ABCA8: variants seen among roughly 807,000 people sequenced by gnomAD.
ABCA8 encodes ABC-type organic anion transporter ABCA8.
ABCA8 carries 177 observed loss-of-function variants against 192.3 expected under a neutral mutation model. That is an observed-to-expected ratio of 0.92 (90% CI 0.81 to 1.04). The LOEUF (loss-of-function observed/expected upper bound fraction) is 1.04, where lower values mean the gene tolerates loss of function less well. Among genes scored for constraint, ABCA8 ranks in the 50% least tolerant of loss-of-function variants. ABCA8 has a pLI of 0.00. For synonymous variants in ABCA8, 642 were observed against 690.2 expected, an observed-to-expected ratio of 0.93 and a Z score of 1.09; for missense variants, 1,915 against 1,904.8, an observed-to-expected ratio of 1.01 and a Z score of -0.10.
chr17:68,918,580 A>C, intron 14 of ABCA8, 34 bp from the exon 15 acceptor site: 1 of 1,447,694 alleles, frequency 6.9e-7, no homozygotes, highest in Non-Finnish European at 9.0e-7. Context: ...TCATACACCA[A>C]AATTTATTCC....
chr17:68,889,924 A>G (rs2066584912), intron 24 of ABCA8, among the ~76,000 whole-genome samples: 1 of 152,076 alleles, frequency 6.6e-6, no homozygotes, highest in South Asian at 2.1e-4. Flanking sequence ...TTGTATGGCT[A>G]TATCAGAATT....
rs1180608246 is a variant in ABCA8, at chr17:68,917,405, A to G, written c.2094T>C (p.Ser698=). The G allele has an allele frequency of 5.6e-6, 9 of 1,612,746 alleles. No individual in the cohort carries two copies. The highest frequency in any genetic ancestry group is 7.6e-6 in the Non-Finnish European group (9 of 1,179,236). Residue 698 remains serine (S), a synonymous_variant, in exon 17 of 40, where the codon TCT becomes TCC. Transcript: ENST00000586539. ...CCCATTTCTTCTTTAGAAACAAAGA[A>G]GAGCCCGCGCACTTTAGCTTCCCTT... ...LSQGKLKCAG[S]SLFLKKKWGI... is the part of the protein sequence containing the mutation.
At chr17:68,879,223 T>C (rs1360757310) in intron 32 of ABCA8, 1 of 152,252 alleles carries the variant, frequency 6.6e-6, no homozygotes, top group Non-Finnish European at 1.5e-5. Context: ...TGCACAAAAA[T>C]GTATGTTCCA....
rs1223282823 is a variant in ABCA8, at chr17:68,867,832, C to T, written c.*253G>A. 1.0e-5 allele frequency: 3 copies of T among 297,966 alleles called. No individual in the cohort carries two copies. The highest frequency in any genetic ancestry group is 1.8e-5 in the Non-Finnish European group (3 of 164,264). 18.5% of individuals were successfully genotyped at this position (297,966 alleles called of 1,614,324 possible). On this transcript the variant is annotated 3_prime_UTR_variant, in exon 40 of 40. Transcript: ENST00000586539. ...TCATGTAAAAGTAAATTTATTTATT[C>T]AGTATTATACAGAACAATGGAACCA... is the stretch of plus-strand genomic sequence containing the variant.
intron 2 of ABCA8, among the ~76,000 whole-genome samples, chr17:68,943,375 C>CT (rs1598293926): frequency 6.6e-6 from 1 of 152,044 alleles, no homozygotes; most frequent in Admixed American, 6.5e-5. Flanking sequence ...TATAGATATA[C>CT]TTTTTTCTAA....
intron 17 of ABCA8, among the ~76,000 whole-genome samples, chr17:68,914,068 C>A (rs1025206150): frequency 1.3e-5 from 2 of 152,076 alleles, no homozygotes; most frequent in Non-Finnish European, 2.9e-5. Flanking sequence ...ATCACTTCAA[C>A]TGATGCTGAA....
intron 27 of ABCA8, chr17:68,884,603 A>G (rs752639365): frequency 2.4e-6 from 3 of 1,255,578 alleles, no homozygotes; most frequent in Non-Finnish European, 3.0e-6. Flanking sequence ...TTTATCAATT[A>G]CTAATCACCT....
rs183212010 is a variant in ABCA8 at position 68,867,887 on chromosome 17, A to G, written c.*198T>C. On this transcript the variant is annotated 3_prime_UTR_variant, in exon 40 of 40. Coordinates refer to ENST00000586539, the MANE Select transcript of ABCA8 (RefSeq NM_001288985.2). ...GGCCTGCAGAGATACAGAGGCTGTG[A>G]GAGGAGGTTGGCTTAGTCAAATGCC... 3.8e-6 allele frequency: 2 copies of G among 530,464 alleles called. No individual in the cohort carries two copies. Among genetic ancestry groups the G allele is most frequent in the South Asian group, 3.0e-5 (1 of 33,852 alleles). 32.9% of individuals were successfully genotyped at this position (530,464 alleles called of 1,614,324 possible).
chr17:68,909,126 C>T (rs1177601547), intron 17 of ABCA8, among the ~76,000 whole-genome samples: 2 of 152,102 alleles, frequency 1.3e-5, no homozygotes, highest in Non-Finnish European at 2.9e-5. Context: ...ATTCCTTGGC[C>T]ACTTGTAGGA....
intron 19 of ABCA8, among the ~76,000 whole-genome samples, chr17:68,904,281 C>CA (rs112404597): frequency 0.39 from 54,275 of 138,780 alleles, 11,955 homozygotes; most frequent in African/African-American, 0.57. Context: ...GACTCCATCT[C>CA]AAAAAAAAGA....
At position 68,922,190 on chromosome 17, in the gene ABCA8, CTCTCTTTTTTTTT is replaced by C. The variant is rs1567863681; in HGVS notation, c.1501+39_1501+51del. ...AATATAACAAATATTTTCTTTCTCTCTCTCTTTTTTTTTTTTTTTTTTTTTTTTTTTTTTTTTT... is the reference window on the plus strand; with the variant it reads ...AATATAACAAATATTTTCTTTCTCTCTTTTTTTTTTTTTTTTTTTTTTTTT... On this transcript the variant is annotated intron_variant, in intron 12 of 39. Transcript: ENST00000586539. 225 of 639,676 alleles carry C rather than the reference CTCTCTTTTTTTTT, an allele frequency of 3.5e-4. 3 individuals carry two copies. The highest frequency in any genetic ancestry group is 2.8e-3 in the East Asian group (41 of 14,590). 39.6% of individuals were successfully genotyped at this position (639,676 alleles called of 1,614,324 possible). A position where few individuals can be genotyped will look rare whatever the true frequency, so the allele number is the denominator to read the frequency against.
At chr17:68,941,137 T>C (rs1289779328) in intron 3 of ABCA8, among the ~76,000 whole-genome samples, 175 bp from the exon 4 acceptor site, 1 of 152,150 alleles carries the variant, frequency 6.6e-6, no homozygotes, top group Admixed American at 6.6e-5. Context: ...TTCCAAGGCA[T>C]TGCTAGCTTA....
intron 12 of ABCA8, 130 bp downstream of exon 12, chr17:68,922,112 C>T (rs2067547785): frequency 5.1e-6 from 3 of 590,518 alleles, no homozygotes; most frequent in African/African-American, 1.9e-5. Context: ...TAAAATACCA[C>T]CACTAATTAA....
At chr17:68,949,068 T>C (rs965199059) in intron 2 of ABCA8, among the ~76,000 whole-genome samples, 21 of 152,204 alleles carry the variant, frequency 1.4e-4, no homozygotes, top group Admixed American at 7.2e-4. Context: ...GTGGTGTAAT[T>C]TCTGAGGTCT....
chr17:68,907,951 T>A, intron 17 of ABCA8, 72 bp from the exon 18 acceptor site: 2 of 1,352,648 alleles, frequency 1.5e-6, no homozygotes, highest in Non-Finnish European at 2.0e-6. Context: ...AATAATTAAC[T>A]AGTCTCTATA....
chr17:68,894,088 A>C, intron 23 of ABCA8, 85 bp downstream of exon 23: 1 of 1,450,178 alleles, frequency 6.9e-7, no homozygotes. Flanking sequence ...TTACTCAATA[A>C]AAACAAGATT....
intron 21 of ABCA8, among the ~76,000 whole-genome samples, chr17:68,899,309 C>T (rs1474523487): frequency 5.9e-5 from 9 of 151,978 alleles, no homozygotes; most frequent in East Asian, 5.8e-4. Flanking sequence ...TATTTAAAAA[C>T]ACTATCCAAC....
At chr17:68,907,540 G>A (rs1053521376) in intron 18 of ABCA8, among the ~76,000 whole-genome samples, 200 bp downstream of exon 18, 1 of 152,016 alleles carries the variant, frequency 6.6e-6, no homozygotes, top group Non-Finnish European at 1.5e-5. Context: ...AAATGCCCAG[G>A]CATTACAATA....
At chr17:68,894,776 C>G (rs2066703280) in intron 22 of ABCA8, 104 bp downstream of exon 22, 3 of 1,246,260 alleles carry the variant, frequency 2.4e-6, no homozygotes, top group Non-Finnish European at 3.3e-6. Flanking sequence ...TAAATGAAAA[C>G]AGTATTTGCT....
Sources: gnomAD v4.1 joint callset for allele counts (sites outside exome capture counted in the v4.1 genomes callset) on GRCh38, gnomAD v4.1.1 for gene constraint, MANE v1.5 for transcripts, NCBI Gene and HGNC (gene_info 2026-07-23, HGNC 2026-07-21) for gene names.